TCF7L1: variants seen among roughly 807,000 people sequenced by gnomAD.
TCF7L1 encodes the protein transcription factor 7 like 1.
TCF7L1 carries 18 observed loss-of-function variants against 63.7 expected under a neutral mutation model. That is an observed-to-expected ratio of 0.28 (90% CI 0.20 to 0.42). The LOEUF (loss-of-function observed/expected upper bound fraction) is 0.42, where lower values mean the gene tolerates loss of function less well. Among genes scored for constraint, TCF7L1 ranks in the 10% least tolerant of loss-of-function variants. The pLI is 1.00. For synonymous variants in TCF7L1, 355 were observed against 340.9 expected (o/e 1.04, Z -0.46); for missense variants, 654 against 779.3 (o/e 0.84, Z 1.91).
intron 3 of TCF7L1, among the ~76,000 whole-genome samples, chr2:85,281,315 C>T (rs929586912): frequency 4.6e-5 from 7 of 152,274 alleles, no homozygotes; most frequent in Middle Eastern, 3.4e-3. Context: ...ATAGCCACTG[C>T]GCCCGGCCTA....
chr2:85,276,413 G>A lies in TCF7L1; in HGVS notation c.442-7082G>A, dbSNP rs77697724. ...TGAGTGAAATGGGCTCCTGTGTGGC[G>A]GCTTCCCACCACAGTGACAATGACA... On this transcript the variant is annotated intron_variant, in intron 3 of 11. Coordinates refer to ENST00000282111, the MANE Select transcript of TCF7L1 (RefSeq NM_031283.3). 4.4e-4 allele frequency among the ~76,000 whole-genome samples: 67 copies of A among 152,272 alleles called. 1 individual carries two copies. In the East Asian group the frequency reaches 0.011, roughly 26 times the overall value.
At chr2:85,275,680 A>G (rs1025249668) in intron 3 of TCF7L1, among the ~76,000 whole-genome samples, 6 of 152,116 alleles carry the variant, frequency 3.9e-5, no homozygotes, top group Admixed American at 3.9e-4. Flanking sequence ...CAGAATTGGG[A>G]GGTGAAGGCG....
chr2:85,199,512 A>G (rs1679226704), intron 3 of TCF7L1, among the ~76,000 whole-genome samples: 1 of 152,222 alleles, frequency 6.6e-6, no homozygotes. Context: ...GCTGCACATT[A>G]GAGTCAACTG....
At chr2:85,155,341 A>G (rs1377340567) in intron 3 of TCF7L1, among the ~76,000 whole-genome samples, 5 of 152,242 alleles carry the variant, frequency 3.3e-5, no homozygotes, top group Non-Finnish European at 7.3e-5. Context: ...AGCCAGCAGC[A>G]GCAGCAACGC....
At chr2:85,196,057 A>C (rs935203905) in intron 3 of TCF7L1, among the ~76,000 whole-genome samples, 3 of 152,142 alleles carry the variant, frequency 2.0e-5, no homozygotes, top group African/African-American at 7.2e-5. Flanking sequence ...CACAATAGTC[A>C]CAAAACCAGA....
intron 3 of TCF7L1, among the ~76,000 whole-genome samples, chr2:85,253,142 G>A (rs1207028526): frequency 6.6e-6 from 1 of 152,134 alleles, no homozygotes; most frequent in Non-Finnish European, 1.5e-5. Flanking sequence ...AAATGTAAAC[G>A]TTAGAGATCT....
intron 3 of TCF7L1, among the ~76,000 whole-genome samples, chr2:85,145,184 A>T (rs938497356): frequency 6.6e-6 from 1 of 152,152 alleles, no homozygotes; most frequent in Non-Finnish European, 1.5e-5. Context: ...GGTTGACAGA[A>T]GTTGGGAGGC....
Position 85,303,941 on chromosome 2 carries a change from A to G in TCF7L1, c.705A>G (p.Pro235=). 1 of 1,609,950 alleles carries G rather than the reference A, an allele frequency of 6.2e-7. No homozygotes were observed. The highest frequency in any genetic ancestry group is 8.5e-7 in the Non-Finnish European group (1 of 1,178,542). Residue 235 remains proline (P), a synonymous_variant, in exon 6 of 12, where the codon CCA becomes CCG. Transcript: ENST00000282111. The part of the protein sequence containing the change: ...PHPSELSPYY[P]LSPGAVGQIP... ...CATCCGAGCTGTCACCGTATTACCC[A>G]CTCTCTCCCGGAGCTGTCGGACAAA...
chr2:85,251,574 C>T (rs1040800227), intron 3 of TCF7L1, among the ~76,000 whole-genome samples: 1 of 152,184 alleles, frequency 6.6e-6, no homozygotes, highest in East Asian at 1.9e-4. Flanking sequence ...CTGTTTACCT[C>T]TTCAGGACAG....
At chr2:85,175,655 A>G (rs1360761374) in intron 3 of TCF7L1, among the ~76,000 whole-genome samples, 1 of 152,212 alleles carries the variant, frequency 6.6e-6, no homozygotes, top group Non-Finnish European at 1.5e-5. Flanking sequence ...GAATTTTTTC[A>G]CTGTCGCTGT....
intron 3 of TCF7L1, among the ~76,000 whole-genome samples, chr2:85,230,601 C>A (rs1253181277): frequency 6.6e-6 from 1 of 152,190 alleles, no homozygotes. Context: ...TCTCAAAGTG[C>A]TGGGATTATA....
intron 3 of TCF7L1, chr2:85,167,378 T>C (rs899879349): frequency 6.6e-6 from 1 of 152,176 alleles, no homozygotes; most frequent in Non-Finnish European, 1.5e-5. Context: ...ATTATATGAT[T>C]CAGCAATCTC....
chr2:85,305,203 GTGGCAGGTATCCAGCC>G, intron 7 of TCF7L1, 41 bp from the exon 8 acceptor site: 7 of 1,613,342 alleles, frequency 4.3e-6, no homozygotes, highest in Non-Finnish European at 5.9e-6. Flanking sequence ...CCTCTGCTGG[GTGGCAGGTATCCAGCC>G]TGAACCCCTC....
chr2:85,140,278 T>C (rs1258839265), intron 3 of TCF7L1, among the ~76,000 whole-genome samples: 1 of 152,126 alleles, frequency 6.6e-6, no homozygotes, highest in Non-Finnish European at 1.5e-5. Flanking sequence ...GAGGCTCTCA[T>C]TGGGAGGAAC....
intron 3 of TCF7L1, among the ~76,000 whole-genome samples, chr2:85,146,716 A>G (rs932702392): frequency 6.6e-6 from 1 of 151,834 alleles, no homozygotes; most frequent in African/African-American, 2.4e-5. Flanking sequence ...GTTAGCCAGG[A>G]TGGTCTTGAT....
intron 6 of TCF7L1, 24 bp downstream of exon 6, chr2:85,304,021 C>A: frequency 6.5e-7 from 1 of 1,531,338 alleles, no homozygotes; most frequent in African/African-American, 1.4e-5. Context: ...AGCCTCTCTT[C>A]CCCCTGCTCC....
chr2:85,195,948 A>G (rs969610970), intron 3 of TCF7L1, among the ~76,000 whole-genome samples: 1 of 152,184 alleles, frequency 6.6e-6, no homozygotes, highest in Admixed American at 6.5e-5. Context: ...CTGAGATCAG[A>G]AAAAGGATTT....
chr2:85,225,357 T>C (rs190138851), intron 3 of TCF7L1, among the ~76,000 whole-genome samples: 3,699 of 152,316 alleles, frequency 0.024, 60 homozygotes, highest in Non-Finnish European at 0.035. Context: ...AATCTATAAA[T>C]TACCTTGGGC....
chr2:85,152,783 A>G (rs564106481), intron 3 of TCF7L1, among the ~76,000 whole-genome samples: 49 of 152,028 alleles, frequency 3.2e-4, no homozygotes, highest in Non-Finnish European at 6.3e-4. Flanking sequence ...TCTGTTCATC[A>G]ATCCCCCTAC....
Sources: gnomAD v4.1 joint callset for allele counts (sites outside exome capture counted in the v4.1 genomes callset) on GRCh38, gnomAD v4.1.1 for gene constraint, MANE v1.5 for transcripts, NCBI Gene and HGNC (gene_info 2026-07-23, HGNC 2026-07-21) for gene names.